The following FGF13 variants were observed in gnomAD, a reference collection of about 807,000 sequenced individuals.
FGF13 encodes the protein fibroblast growth factor homologous factor 2.
In FGF13, 2 loss-of-function variants were observed where a neutral mutation model predicts 19.5. The observed-to-expected ratio is 0.10, with a 90% CI of 0.04 to 0.32. FGF13 has a LOEUF of 0.32. FGF13 is among the 10% of genes least tolerant of loss of function. The pLI is 1.00. For synonymous variants in FGF13, 72 were observed against 76.9 expected (o/e 0.94, Z 0.33); for missense variants, 113 against 192.7 (o/e 0.59, Z 2.45).
chrX:138,884,282 T>A (rs2091441481), intron 1 of FGF13, among the ~76,000 whole-genome samples: 2 of 112,022 alleles, frequency 1.8e-5, no homozygotes, highest in South Asian at 7.5e-4. Flanking sequence ...CATGGTCAAA[T>A]CACATGCCAA....
chrX:138,895,457 T>C (rs1259456563), intron 1 of FGF13, among the ~76,000 whole-genome samples: 3 of 112,119 alleles, frequency 2.7e-5, no homozygotes, highest in African/African-American at 6.5e-5. Flanking sequence ...AATAAGTATA[T>C]GAAAAGGTAT....
At chrX:138,959,934 C>T (rs1182734843) in intron 1 of FGF13, among the ~76,000 whole-genome samples, 1 of 111,686 alleles carries the variant, frequency 9.0e-6, no homozygotes. Context: ...TGAAATGGGT[C>T]TCCTGAATAC....
At chrX:139,177,455 C>T (rs2084197613) in intron 1 of FGF13, among the ~76,000 whole-genome samples, 2 of 110,842 alleles carry the variant, frequency 1.8e-5, no homozygotes. Flanking sequence ...TGAATTTGAT[C>T]CTGTCCTTAT....
At chrX:138,894,673 T>C (rs2124200100) in intron 1 of FGF13, among the ~76,000 whole-genome samples, 1 of 109,795 alleles carries the variant, frequency 9.1e-6, no homozygotes, top group African/African-American at 3.3e-5. Flanking sequence ...ATTAATAGCC[T>C]ACCAACCAAA....
intron 1 of FGF13, among the ~76,000 whole-genome samples, chrX:138,968,047 A>G (rs1036394413): frequency 1.2e-4 from 13 of 111,481 alleles, no homozygotes; most frequent in Non-Finnish European, 2.4e-4. Flanking sequence ...ACTCGACTTC[A>G]TATCTCCTAA....
intron 1 of FGF13, among the ~76,000 whole-genome samples, chrX:138,726,587 C>T (rs773231027): frequency 8.9e-6 from 1 of 111,846 alleles, no homozygotes; most frequent in Non-Finnish European, 1.9e-5. Flanking sequence ...ACAGCTTTAT[C>T]TGCACATACA....
chrX:138,724,890 T>C (rs1339637370), intron 1 of FGF13, among the ~76,000 whole-genome samples: 2 of 112,167 alleles, frequency 1.8e-5, no homozygotes, highest in African/African-American at 3.2e-5. Flanking sequence ...TGTTGATTTC[T>C]TAGTTTTGAC....
chrX:138,733,667 G>T (rs957622706), intron 1 of FGF13, among the ~76,000 whole-genome samples: 2 of 111,447 alleles, frequency 1.8e-5, no homozygotes, highest in African/African-American at 6.5e-5. Context: ...ACATTGTGCA[G>T]TTACTGTATG....
chrX:139,057,716 A>G (rs1349395189), intron 1 of FGF13, among the ~76,000 whole-genome samples: 3 of 112,289 alleles, frequency 2.7e-5, no homozygotes, highest in African/African-American at 9.7e-5. Flanking sequence ...AGAATGAATG[A>G]TTACCGATAC....
chrX:138,817,354 C>A (rs1411669794), intron 3 of FGF13, among the ~76,000 whole-genome samples: 2 of 111,451 alleles, frequency 1.8e-5, no homozygotes, highest in East Asian at 2.8e-4. Context: ...AGATTGATGT[C>A]CTCAGCATGA....
chrX:138,653,922 A>C (rs991433647), intron 3 of FGF13, among the ~76,000 whole-genome samples: 1 of 112,119 alleles, frequency 8.9e-6, no homozygotes, highest in East Asian at 2.8e-4. Context: ...CATGCCTTTA[A>C]AAAAATCTGA....
At chrX:139,204,408 G>A (rs962225370), upstream of FGF13, 3 of 172,448 alleles carry the variant, frequency 1.7e-5, no homozygotes, top group East Asian at 1.4e-4. Context: ...AAGCGGCGCG[G>A]CGCTTCCTCC....
intron 3 of FGF13, chrX:138,806,960 G>T (rs897943047): frequency 9.0e-6 from 1 of 111,321 alleles, no homozygotes; most frequent in African/African-American, 3.3e-5. Context: ...TATCAAATTG[G>T]TGGAGAAAAA....
intron 1 of FGF13, among the ~76,000 whole-genome samples, chrX:138,904,667 T>C (rs1002399627): frequency 2.2e-4 from 25 of 111,649 alleles, no homozygotes; most frequent in Non-Finnish European, 3.8e-4. Flanking sequence ...TCTAAGTTGC[T>C]TGGCCTGTGG....
At position 139,137,536 on chromosome X, in the gene FGF13, C is replaced by G. The variant is rs189232002; in HGVS notation, c.-113+65880G>C. On this transcript the variant is annotated intron_variant, in intron 1 of 2. Coordinates refer to the FGF13 transcript ENST00000421460. ...CAGGCATGTACCAGATGTACTGCCA[C>G]ACTCATTAGGGCTAAGCACACAGAA... 9.6e-4 allele frequency among the ~76,000 whole-genome samples: 108 copies of G among 112,106 alleles called. 1 individual carries two copies. The highest frequency in any genetic ancestry group is 1.7e-3 in the Non-Finnish European group (93 of 53,226).
At chrX:138,801,062 C>A (rs1399975349) in intron 3 of FGF13, among the ~76,000 whole-genome samples, 2 of 112,133 alleles carry the variant, frequency 1.8e-5, no homozygotes, top group Non-Finnish European at 3.8e-5. Flanking sequence ...TATTACCCAT[C>A]TTCTGAAGCC....
intron 3 of FGF13, among the ~76,000 whole-genome samples, chrX:138,786,930 G>A (rs2090697729): frequency 8.9e-6 from 1 of 112,259 alleles, no homozygotes; most frequent in Admixed American, 9.4e-5. Context: ...TGGAAAAACT[G>A]TAACTGGGCA....
chrX:138,702,383 T>G (rs2089955839), intron 3 of FGF13, among the ~76,000 whole-genome samples: 1 of 111,569 alleles, frequency 9.0e-6, no homozygotes, highest in Non-Finnish European at 1.9e-5. Context: ...TAATCTACAT[T>G]GTTTATACAT....
rs1283030902 is a variant in FGF13 at position 139,047,537 on chromosome X, T to C, written c.-113+155879A>G. 1.8e-5 allele frequency among the ~76,000 whole-genome samples: 2 copies of C among 111,890 alleles called. 1 individual carries two copies. The highest frequency in any genetic ancestry group is 1.9e-4 in the Admixed American group (2 of 10,568). On this transcript the variant is annotated intron_variant, in intron 1 of 2. Coordinates refer to the FGF13 transcript ENST00000421460. ...TCTCTTAGCACATTAATGTTAACTA[T>C]AGTCACCATGCTGTACAATACATCT... is the stretch of plus-strand genomic sequence containing the variant.
Sources: allele counts gnomAD v4.1 joint callset (sites outside exome capture counted in the v4.1 genomes callset), GRCh38; gene constraint gnomAD v4.1.1; transcripts MANE v1.5; gene names NCBI Gene and HGNC (gene_info 2026-07-23, HGNC 2026-07-21).